The following FMN1 variants were observed in gnomAD, a reference collection of about 807,000 sequenced individuals.
FMN1 encodes the protein formin-1.
In FMN1, 110 loss-of-function variants were observed where a neutral mutation model predicts 132.4. That is an observed-to-expected ratio of 0.83 (90% CI 0.71 to 0.97). The LOEUF (loss-of-function observed/expected upper bound fraction) is 0.97, where lower values mean the gene tolerates loss of function less well. Among genes scored for constraint, FMN1 ranks in the 50% least tolerant of loss-of-function variants. The probability of loss-of-function intolerance (pLI) is 0.00; values close to 1 mark genes in which losing one functional copy is unlikely to be tolerated. For missense variants in FMN1, 1,792 were observed against 1,705.3 expected, an observed-to-expected ratio of 1.05 and a Z score of -0.90; for synonymous variants, 722 against 651.7, an observed-to-expected ratio of 1.11 and a Z score of -1.64.
At chr15:32,947,748 T>G (rs2061540696) in intron 9 of FMN1, among the ~76,000 whole-genome samples, 1 of 152,100 alleles carries the variant, frequency 6.6e-6, no homozygotes, top group Non-Finnish European at 1.5e-5. Flanking sequence ...TATTCTTATT[T>G]TATGTCCCTC....
intron 15 of FMN1, among the ~76,000 whole-genome samples, chr15:32,896,330 A>AAT (rs2060154973): frequency 6.6e-6 from 1 of 152,004 alleles, no homozygotes; most frequent in African/African-American, 2.4e-5. Flanking sequence ...TTTTATACAT[A>AAT]ATATTTAAAA....
intron 4 of FMN1, among the ~76,000 whole-genome samples, chr15:33,097,712 C>A (rs1032960016): frequency 6.6e-6 from 1 of 152,128 alleles, no homozygotes; most frequent in Non-Finnish European, 1.5e-5. Flanking sequence ...ACATAACATG[C>A]CTACATTTTC....
intron 10 of FMN1, among the ~76,000 whole-genome samples, chr15:32,923,586 A>G (rs961938643): frequency 6.6e-6 from 1 of 152,226 alleles, no homozygotes; most frequent in African/African-American, 2.4e-5. Context: ...CTGTGATGCT[A>G]CAGTCAACAT....
chr15:33,092,318 C>T (rs564793170), intron 4 of FMN1, among the ~76,000 whole-genome samples: 7 of 152,264 alleles, frequency 4.6e-5, no homozygotes, highest in Admixed American at 2.6e-4. Flanking sequence ...GCTCATCTTT[C>T]CAAAATAGAA....
At chr15:32,791,827 G>A (rs1283955630) in intron 19 of FMN1, among the ~76,000 whole-genome samples, 3 of 152,196 alleles carry the variant, frequency 2.0e-5, no homozygotes, top group Non-Finnish European at 4.4e-5. Context: ...AGAGGAATAG[G>A]CCTTAGTTGA....
At chr15:32,827,720 T>A (rs2058403039) in intron 17 of FMN1, among the ~76,000 whole-genome samples, 1 of 152,024 alleles carries the variant, frequency 6.6e-6, no homozygotes. Context: ...GGCGGGCACC[T>A]GTAGTCCCAG....
intron 9 of FMN1, among the ~76,000 whole-genome samples, chr15:32,929,869 G>A (rs752060911): frequency 4.7e-5 from 7 of 149,578 alleles, no homozygotes; most frequent in Non-Finnish European, 8.9e-5. Flanking sequence ...CCATCTCTTT[G>A]CTATTGTGAA....
At chr15:33,166,508 T>G (rs560420602) in intron 3 of FMN1, among the ~76,000 whole-genome samples, 34 of 152,312 alleles carry the variant, frequency 2.2e-4, no homozygotes, top group Middle Eastern at 3.4e-3. Flanking sequence ...AGATTTCTCA[T>G]TTAAATATAA....
chr15:33,014,907 A>T (rs113166592), intron 6 of FMN1, among the ~76,000 whole-genome samples: 3 of 152,364 alleles, frequency 2.0e-5, no homozygotes, highest in Admixed American at 2.0e-4. Flanking sequence ...ACCTAATTAC[A>T]TATGGGTACG....
At chr15:33,139,939 A>G (rs1312418948) in intron 4 of FMN1, among the ~76,000 whole-genome samples, 1 of 152,154 alleles carries the variant, frequency 6.6e-6, no homozygotes, top group Non-Finnish European at 1.5e-5. Flanking sequence ...TTTAAAAAAG[A>G]TATGAAAAAT....
At chr15:32,827,447 T>C (rs1010667864) in intron 17 of FMN1, among the ~76,000 whole-genome samples, 1 of 152,220 alleles carries the variant, frequency 6.6e-6, no homozygotes, top group Non-Finnish European at 1.5e-5. Flanking sequence ...ATGAAAATCA[T>C]AACATATAAG....
rs574686121 is a variant in FMN1 at position 32,980,318 on chromosome 15, A to C, written c.2224-10841T>G. The stretch of plus-strand genomic sequence containing the variant: ...GTCTAGGTCAGTTTGAAAAAAAAAA[A>C]AACAAAAACCTAAAATAGGGTCACA... On this transcript the variant is annotated intron_variant, in intron 7 of 20. Transcript: ENST00000616417. 1.4e-4 allele frequency among the ~76,000 whole-genome samples: 21 copies of C among 152,136 alleles called. No homozygotes were observed. The East Asian group carries it at 3.3e-3, about 24-fold the overall frequency.
chr15:32,944,400 G>A (rs2061461664), intron 9 of FMN1, among the ~76,000 whole-genome samples: 1 of 152,224 alleles, frequency 6.6e-6, no homozygotes, highest in African/African-American at 2.4e-5. Context: ...CTGGGAAGAA[G>A]CCTCTGTCAA....
At chr15:32,943,470 A>T (rs1029609372) in intron 9 of FMN1, among the ~76,000 whole-genome samples, 1 of 152,252 alleles carries the variant, frequency 6.6e-6, no homozygotes. Context: ...TATGCTACTG[A>T]TGACAAGTCA....
intron 9 of FMN1, among the ~76,000 whole-genome samples, chr15:32,943,471 T>C (rs1323231042): frequency 6.6e-6 from 1 of 152,258 alleles, no homozygotes; most frequent in Admixed American, 6.5e-5. Context: ...ATGCTACTGA[T>C]GACAAGTCAG....
intron 5 of FMN1, among the ~76,000 whole-genome samples, chr15:33,086,365 C>CA (rs947025880): frequency 2.0e-4 from 25 of 121,966 alleles, no homozygotes; most frequent in African/African-American, 5.4e-4. Flanking sequence ...TGAAAAAATA[C>CA]AAAAAAAAAT....
chr15:33,106,872 G>C (rs1348621575), intron 4 of FMN1, among the ~76,000 whole-genome samples: 4 of 151,998 alleles, frequency 2.6e-5, no homozygotes, highest in Admixed American at 6.6e-5. Flanking sequence ...GATATGTGCA[G>C]AATCTTCTCT....
intron 6 of FMN1, among the ~76,000 whole-genome samples, chr15:33,037,699 C>T (rs1221000221): frequency 6.6e-6 from 1 of 152,216 alleles, no homozygotes; most frequent in Non-Finnish European, 1.5e-5. Flanking sequence ...CAGCTGTAAT[C>T]ATGCACATTC....
chr15:32,863,428 C>T (rs1414442958), intron 16 of FMN1, among the ~76,000 whole-genome samples: 3 of 152,100 alleles, frequency 2.0e-5, no homozygotes, highest in Non-Finnish European at 4.4e-5. Flanking sequence ...AGCGAGACTC[C>T]ATCTCAAAAT....
Sources: gnomAD v4.1 joint callset for allele counts (sites outside exome capture counted in the v4.1 genomes callset) on GRCh38, gnomAD v4.1.1 for gene constraint, MANE v1.5 for transcripts, NCBI Gene and HGNC (gene_info 2026-07-23, HGNC 2026-07-21) for gene names.